TOX: variants seen among roughly 807,000 people sequenced by gnomAD.
The protein encoded by TOX is thymocyte selection associated high mobility group box, also known as thymocyte selection-associated high mobility group box protein TOX.
Under a neutral mutation model 53.7 loss-of-function variants are expected in TOX, and 11 were observed. That is an observed-to-expected ratio of 0.20 (90% CI 0.13 to 0.34). The LOEUF (loss-of-function observed/expected upper bound fraction) is 0.34. TOX is among the 10% of genes least tolerant of loss of function. The probability of loss-of-function intolerance (pLI) is 1.00; values close to 1 mark genes in which losing one functional copy is unlikely to be tolerated. For synonymous variants in TOX, 225 were observed against 245.3 expected (o/e 0.92, Z 0.77); for missense variants, 570 against 664.6 (o/e 0.86, Z 1.56).
intron 1 of TOX, among the ~76,000 whole-genome samples, chr8:59,015,143 G>A (rs1813983314): frequency 6.6e-6 from 1 of 152,158 alleles, no homozygotes; most frequent in African/African-American, 2.4e-5. Flanking sequence ...GCAGAGCCCT[G>A]GACGGGACAG....
Position 58,998,514 on chromosome 8 carries a change from T to A in TOX, c.103-38506A>T, listed in dbSNP as rs59524942. ...AAAAGTATATATATATATATATATA[T>A]ATATATATATATATATATATATATA... On this transcript the variant is annotated intron_variant, in intron 1 of 8. Coordinates refer to ENST00000361421, the MANE Select transcript of TOX (RefSeq NM_014729.3). Among the ~76,000 whole-genome samples the A allele has an allele frequency of 6.1e-4, 68 of 112,330 alleles. 1 individual carries two copies. The highest frequency in any genetic ancestry group is 3.1e-3 in the East Asian group (12 of 3,850). 73.7% of individuals were successfully genotyped at this position (112,330 alleles called of 152,430 possible). A position where few individuals can be genotyped will look rare whatever the true frequency, so the allele number is the denominator to read the frequency against.
intron 4 of TOX, among the ~76,000 whole-genome samples, chr8:58,840,252 C>A (rs150236960): frequency 6.6e-6 from 1 of 152,082 alleles, no homozygotes; most frequent in African/African-American, 2.4e-5. Flanking sequence ...TCTACTGAAG[C>A]AGATCAAAGA....
chr8:58,972,338 T>C (rs1388588361), intron 1 of TOX, among the ~76,000 whole-genome samples: 1 of 152,176 alleles, frequency 6.6e-6, no homozygotes, highest in Non-Finnish European at 1.5e-5. Flanking sequence ...TTTCTGAAAA[T>C]GCAAAGTGCT....
intron 3 of TOX, among the ~76,000 whole-genome samples, chr8:58,927,155 G>A (rs536799557): frequency 4.0e-5 from 6 of 151,850 alleles, no homozygotes; most frequent in African/African-American, 7.3e-5. Context: ...TCATTGAAAT[G>A]TAGGATCTCT....
At chr8:59,042,971 T>C (rs1390144827) in intron 1 of TOX, among the ~76,000 whole-genome samples, 1 of 152,176 alleles carries the variant, frequency 6.6e-6, no homozygotes, top group African/African-American at 2.4e-5. Flanking sequence ...TTCTCAACAA[T>C]TGAGAAATAC....
At chr8:59,002,105 A>G (rs1177693490) in intron 1 of TOX, among the ~76,000 whole-genome samples, 1 of 150,064 alleles carries the variant, frequency 6.7e-6, no homozygotes, top group Non-Finnish European at 1.5e-5. Flanking sequence ...CCTCCCCAGT[A>G]GCTGGGATTA....
chr8:58,980,222 A>G (rs956274910), intron 1 of TOX, among the ~76,000 whole-genome samples: 1 of 152,186 alleles, frequency 6.6e-6, no homozygotes, highest in East Asian at 1.9e-4. Flanking sequence ...AATATGAGAA[A>G]GAAAGAGAGA....
chr8:58,940,449 A>G (rs1021041082), intron 2 of TOX, among the ~76,000 whole-genome samples: 1 of 152,170 alleles, frequency 6.6e-6, no homozygotes, highest in Non-Finnish European at 1.5e-5. Flanking sequence ...AATGTGGTAA[A>G]TGTTGAAAAA....
chr8:58,944,687 G>A (rs1188048224), intron 2 of TOX, among the ~76,000 whole-genome samples: 1 of 152,130 alleles, frequency 6.6e-6, no homozygotes, highest in Admixed American at 6.6e-5. Context: ...AAAAACATAT[G>A]TAAAAAGCCT....
intron 1 of TOX, among the ~76,000 whole-genome samples, chr8:58,963,828 T>C (rs1168246441): frequency 6.6e-6 from 1 of 152,232 alleles, no homozygotes; most frequent in African/African-American, 2.4e-5. Flanking sequence ...CATACCTTCC[T>C]TATCTTTAGT....
intron 1 of TOX, among the ~76,000 whole-genome samples, chr8:59,040,137 G>T (rs903775917): frequency 1.3e-5 from 2 of 152,052 alleles, no homozygotes; most frequent in South Asian, 2.1e-4. Flanking sequence ...AGACCATCCC[G>T]GGTAAAACGG....
intron 1 of TOX, among the ~76,000 whole-genome samples, chr8:58,970,831 T>TAGGG (rs1234109519): frequency 6.6e-6 from 1 of 152,158 alleles, no homozygotes; most frequent in Admixed American, 6.5e-5. Flanking sequence ...ATTTCAGAGA[T>TAGGG]CTCACCATTC....
chr8:58,924,085 T>A (rs1812116831), intron 3 of TOX, among the ~76,000 whole-genome samples: 1 of 152,136 alleles, frequency 6.6e-6, no homozygotes, highest in Admixed American at 6.5e-5. Context: ...AGTCAAAAAG[T>A]TAAGGCTGCT....
At chr8:59,037,243 A>G (rs1306310246) in intron 1 of TOX, among the ~76,000 whole-genome samples, 1 of 149,454 alleles carries the variant, frequency 6.7e-6, no homozygotes, top group Admixed American at 6.7e-5. Flanking sequence ...TTTTTCACAC[A>G]TTATCAAATG....
Position 58,851,178 on chromosome 8 carries a change from C to T in TOX, c.693+346G>A, listed in dbSNP as rs1456450107. On this transcript the variant is annotated intron_variant, in intron 4 of 8. Coordinates refer to ENST00000361421, the MANE Select transcript of TOX (RefSeq NM_014729.3). The surrounding 1 kb of genome is among the most constrained non-coding windows in gnomAD (Gnocchi z 4.4). ...TCTCTGTCTCTCTCTCTCTCTCTCT[C>T]TCTCTCTCACACACACACACACACA... 4.2e-5 allele frequency among the ~76,000 whole-genome samples: 6 copies of T among 144,186 alleles called. No individual in the cohort carries two copies. The East Asian group carries it at 1.2e-3, about 29-fold the overall frequency. The allele number at this position is 144,186 out of a possible 152,430, so 94.6% of individuals were successfully genotyped here.
At chr8:58,973,510 T>C (rs1244716532) in intron 1 of TOX, among the ~76,000 whole-genome samples, 3 of 152,226 alleles carry the variant, frequency 2.0e-5, no homozygotes, top group African/African-American at 7.2e-5. Flanking sequence ...AACTCCTTTT[T>C]ATGTTTTATC....
At chr8:58,826,131 AG>A (rs1201528030) in intron 6 of TOX, among the ~76,000 whole-genome samples, 1 of 152,200 alleles carries the variant, frequency 6.6e-6, no homozygotes, top group East Asian at 1.9e-4. Flanking sequence ...GTCTTTCCTA[AG>A]GGGAAATGGG....
intron 3 of TOX, among the ~76,000 whole-genome samples, chr8:58,923,676 T>TA (rs1385155775): frequency 2.0e-5 from 3 of 152,224 alleles, no homozygotes; most frequent in Non-Finnish European, 4.4e-5. Flanking sequence ...TCTGAATACA[T>TA]ACCTCATTTG....
chr8:59,024,880 C>T lies in TOX; in HGVS notation c.103-64872G>A, dbSNP rs1814206034. Among the ~76,000 whole-genome samples the T allele has an allele frequency of 3.3e-5, 5 of 152,108 alleles. No individual in the cohort carries two copies. In the South Asian group the frequency reaches 1.0e-3, roughly 32 times the overall value. ...AAATTATTAAAGTAAATGTCAATTC[C>T]AAAGCCAGTCAAATTTGGCAAAGTT... On this transcript the variant is annotated intron_variant, in intron 1 of 8. Coordinates refer to ENST00000361421, the MANE Select transcript of TOX (RefSeq NM_014729.3).
Sources: allele counts gnomAD v4.1 joint callset (sites outside exome capture counted in the v4.1 genomes callset), GRCh38; gene constraint gnomAD v4.1.1; non-coding constraint Gnocchi (gnomAD v3.1); transcripts MANE v1.5; gene names NCBI Gene and HGNC (gene_info 2026-07-23, HGNC 2026-07-21).